The following NAA35 variants were observed in gnomAD, a reference collection of about 807,000 sequenced individuals.
NAA35 encodes the protein MAK10 homolog, amino-acid N-acetyltransferase subunit.
NAA35 carries 18 observed loss-of-function variants against 101.7 expected under a neutral mutation model. The observed-to-expected ratio is 0.18, with a 90% confidence interval of 0.12 to 0.26. NAA35 has a LOEUF of 0.26. NAA35 is among the 10% of genes least tolerant of loss of function. The pLI, the probability that NAA35 is intolerant of heterozygous loss-of-function variation, is 1.00. For synonymous variants in NAA35, 267 were observed against 273.1 expected, an observed-to-expected ratio of 0.98 and a Z score of 0.22; for missense variants, 601 against 886.8, an observed-to-expected ratio of 0.68 and a Z score of 4.09.
intron 15 of NAA35, among the ~76,000 whole-genome samples, chr9:86,010,436 A>G (rs1047524674): frequency 2.0e-5 from 3 of 151,796 alleles, no homozygotes; most frequent in Admixed American, 6.6e-5. Flanking sequence ...GCAGCCTTGG[A>G]TGACCTCCCA....
At chr9:86,016,795 A>C (rs977753806) in intron 18 of NAA35, 120 bp downstream of exon 18, 2 of 987,768 alleles carry the variant, frequency 2.0e-6, no homozygotes, top group Non-Finnish European at 2.9e-6. Context: ...CTTTTCAGAA[A>C]CTATAAGGTA....
At chr9:85,966,560 C>CT (rs749380268) in intron 6 of NAA35, 2,505 of 939,332 alleles carry the variant, frequency 2.7e-3, no homozygotes, top group South Asian at 3.5e-3. Context: ...TTCTTTCTTT[C>CT]TTTTTTTTTT....
At chr9:86,007,326 C>G in intron 13 of NAA35, 32 bp from the exon 14 acceptor site, 1 of 1,446,184 alleles carries the variant, frequency 6.9e-7, no homozygotes, top group East Asian at 2.3e-5. Flanking sequence ...CTGTGCGTGA[C>G]ACCGTAACTA....
chr9:85,970,012 T>G (rs997540827), intron 6 of NAA35, among the ~76,000 whole-genome samples: 9 of 152,204 alleles, frequency 5.9e-5, no homozygotes, highest in Admixed American at 2.0e-4. Flanking sequence ...AGATTTGGTC[T>G]TAAACTTGAA....
At chr9:85,942,336 G>T in intron 2 of NAA35, 53 bp downstream of exon 2, 3 of 1,590,266 alleles carry the variant, frequency 1.9e-6, no homozygotes, top group Non-Finnish European at 2.6e-6. Flanking sequence ...GTAGAATGAC[G>T]ATTGTGCTTT....
chr9:85,991,003 ACT>A (rs1350944190), intron 11 of NAA35, among the ~76,000 whole-genome samples: 1 of 152,162 alleles, frequency 6.6e-6, no homozygotes, highest in Non-Finnish European at 1.5e-5. Flanking sequence ...CGGTAGCCTA[ACT>A]GGATTCACTG....
intron 11 of NAA35, among the ~76,000 whole-genome samples, 166 bp from the exon 12 acceptor site, chr9:85,996,233 G>A (rs1297006767): frequency 6.6e-6 from 1 of 152,138 alleles, no homozygotes; most frequent in Non-Finnish European, 1.5e-5. Flanking sequence ...TTTAAAAAAT[G>A]TATATGTATA....
chr9:85,988,537 C>T lies in NAA35; in HGVS notation c.878-7862C>T, dbSNP rs560522289. Among the ~76,000 whole-genome samples, 7 of 152,286 alleles carry T rather than the reference C, an allele frequency of 4.6e-5. No homozygotes were observed. In the East Asian group the frequency reaches 9.7e-4, roughly 21 times the overall value. On this transcript the variant is annotated intron_variant, in intron 11 of 22. Coordinates refer to ENST00000361671, the MANE Select transcript of NAA35 (RefSeq NM_024635.4). ...ATGGAGGGCCGGGCGTGGTGGCTTA[C>T]GCCTGTAATCCCAGCACTTTGGGAG...
chr9:85,986,402 G>A, intron 11 of NAA35: 1 of 469,888 alleles, frequency 2.1e-6, no homozygotes, highest in Non-Finnish European at 4.4e-6. Context: ...GTGCAGGCAT[G>A]TAATTTGTAT....
intron 13 of NAA35, among the ~76,000 whole-genome samples, chr9:86,004,016 T>C (rs1831523946): frequency 6.6e-6 from 1 of 152,134 alleles, no homozygotes; most frequent in South Asian, 2.1e-4. Context: ...TTCAAAAATA[T>C]TTTGAACTGA....
intron 6 of NAA35, among the ~76,000 whole-genome samples, chr9:85,966,085 G>T (rs933258301): frequency 2.0e-5 from 3 of 152,132 alleles, no homozygotes; most frequent in Non-Finnish European, 4.4e-5. Context: ...GACTGCAGAT[G>T]TGTTCCACCA....
In NAA35 at chr9:86,013,156, G is replaced by T; in HGVS notation, c.1389+12G>T. Reference sequence around the variant, plus strand: ...CCTTGCAGGATGAGGTAAGAGCCAGGTTCCCCTCTCTTCTAAAATTAAATG... The same window carrying T: ...CCTTGCAGGATGAGGTAAGAGCCAGTTTCCCCTCTCTTCTAAAATTAAATG... On this transcript the variant is annotated intron_variant, in intron 16 of 22. Coordinates refer to ENST00000361671, the MANE Select transcript of NAA35 (RefSeq NM_024635.4). The T allele has an allele frequency of 6.5e-7, 1 of 1,535,546 alleles. No individual in the cohort carries two copies. Among genetic ancestry groups the T allele is most frequent in the South Asian group, 1.2e-5 (1 of 84,418 alleles).
chr9:85,986,808 C>T, intron 11 of NAA35: 1 of 245,706 alleles, frequency 4.1e-6, no homozygotes, highest in South Asian at 4.3e-5. Flanking sequence ...CCAGGCTGGT[C>T]TCGAACTCCT....
In NAA35 at chr9:86,000,489, C is replaced by T. The variant is rs192499342; in HGVS notation, c.1057-3096C>T. On this transcript the variant is annotated intron_variant, in intron 12 of 22. Transcript: ENST00000361671. ...GGAATGGTACCAGCTCTTCTTTGTA[C>T]ATCTGGTAGAATTCACCTGTGAATC... Among the ~76,000 whole-genome samples the T allele has an allele frequency of 5.3e-5, 8 of 151,778 alleles. No individual in the cohort carries two copies. In the East Asian group the frequency reaches 7.7e-4, roughly 15 times the overall value.
rs1284502247 is a variant in NAA35, at chr9:86,024,708, G to A, written c.*2748G>A. On this transcript the variant is annotated 3_prime_UTR_variant, in exon 23 of 23. Coordinates refer to ENST00000361671, the MANE Select transcript of NAA35 (RefSeq NM_024635.4). ...CAACTAGACGATGGTGGTGCCACTT[G>A]TGTAGATATCTAGGCAAGGTAGGAG... Among the ~76,000 whole-genome samples, 1 of 152,194 alleles carries A rather than the reference G, an allele frequency of 6.6e-6. No individual in the cohort carries two copies. The highest frequency in any genetic ancestry group is 1.5e-5 in the Non-Finnish European group (1 of 68,030).
intron 2 of NAA35, among the ~76,000 whole-genome samples, chr9:85,947,737 C>T (rs1429449303): frequency 6.6e-6 from 1 of 152,164 alleles, no homozygotes; most frequent in Non-Finnish European, 1.5e-5. Context: ...TAATTATCCT[C>T]CTCAAAATAT....
intron 11 of NAA35, among the ~76,000 whole-genome samples, chr9:85,992,033 G>T (rs1322715246): frequency 6.6e-6 from 1 of 152,118 alleles, no homozygotes; most frequent in Admixed American, 6.5e-5. Flanking sequence ...AAACAGCCGG[G>T]TGTGGTGGCG....
chr9:85,956,292 C>CT (rs924601334), intron 2 of NAA35, 68 bp from the exon 3 acceptor site: 84 of 973,650 alleles, frequency 8.6e-5, no homozygotes, highest in South Asian at 3.5e-4. Flanking sequence ...GTGCTAATGT[C>CT]TTTTTTTTCT....
In NAA35 at chr9:86,010,306, C is replaced by CT. The variant is rs1453065374; in HGVS notation, c.1290+382dup. Reference sequence around the variant, plus strand: ...GACTGCAATTCCTTCAGTGTCTGTGCTTTTTTTCATCTAATATTTCTTGTT... The same window carrying CT: ...GACTGCAATTCCTTCAGTGTCTGTGCTTTTTTTTCATCTAATATTTCTTGTT... On this transcript the variant is annotated intron_variant, in intron 15 of 22. Coordinates refer to ENST00000361671, the MANE Select transcript of NAA35 (RefSeq NM_024635.4). 2.0e-5 allele frequency among the ~76,000 whole-genome samples: 3 copies of CT among 151,796 alleles called. No homozygotes were observed. In the East Asian group the frequency reaches 5.8e-4, roughly 29 times the overall value.
Sources: gnomAD v4.1 joint callset for allele counts (sites outside exome capture counted in the v4.1 genomes callset) on GRCh38, gnomAD v4.1.1 for gene constraint, MANE v1.5 for transcripts, NCBI Gene and HGNC (gene_info 2026-07-23, HGNC 2026-07-21) for gene names.